ZNF527: variants seen among roughly 807,000 people sequenced by gnomAD.
ZNF527 encodes the protein zinc finger protein 527.
ZNF527 carries 5 observed loss-of-function variants against 13.5 expected under a neutral mutation model. That is an observed-to-expected ratio of 0.37 (90% CI 0.19 to 0.78). The LOEUF is 0.78. ZNF527 is among the 30% of genes least tolerant of loss of function. The probability of loss-of-function intolerance (pLI) is 0.48; values close to 1 mark genes in which losing one functional copy is unlikely to be tolerated. For missense variants in ZNF527, 628 were observed against 726.4 expected, an observed-to-expected ratio of 0.86 and a Z score of 1.56; for synonymous variants, 209 against 243.1, an observed-to-expected ratio of 0.86 and a Z score of 1.30.
In ZNF527 at chr19:37,388,773, G is replaced by A. The variant is rs772547707; in HGVS notation, c.724G>A (p.Gly242Arg). The A allele has an allele frequency of 6.2e-7, 1 of 1,613,000 alleles. No homozygotes were observed. Among genetic ancestry groups the A allele is most frequent in the Non-Finnish European group, 8.5e-7 (1 of 1,179,816 alleles). The change falls in exon 5 of 5, where the codon GGG becomes AGG. Residue 242 changes from glycine (G) to arginine (R), a missense_variant. Physicochemically the swap from Gly to Arg is moderately radical, Grantham distance 125. Transcript: ENST00000436120. ...TAGTAAAGATATAGGAATTCCTCCT[G>A]GGGAGAAACCTTATGAAAGTCATGA... ...YLSKDIGIPP[G>R]EKPYESHDFS...
intron 4 of ZNF527, among the ~76,000 whole-genome samples, chr19:37,386,393 C>T (rs112716015): frequency 0.02 from 3,079 of 152,134 alleles, 103 homozygotes; most frequent in African/African-American, 0.07. Context: ...CCACCAGCCT[C>T]GGCCTCCCAA....
chr19:37,387,891 T>C (rs1236619462), intron 4 of ZNF527, among the ~76,000 whole-genome samples: 1 of 152,112 alleles, frequency 6.6e-6, no homozygotes, highest in East Asian at 1.9e-4. Context: ...GAAAAAGGGG[T>C]GAACATCCAT....
intron 3 of ZNF527, 86 bp downstream of exon 3, chr19:37,379,332 GAC>G: frequency 7.3e-7 from 1 of 1,371,934 alleles, no homozygotes; most frequent in Non-Finnish European, 9.6e-7. Context: ...GACATCTTAA[GAC>G]ATCTTAAAAG....
intron 2 of ZNF527, among the ~76,000 whole-genome samples, chr19:37,375,326 TCTTTCTTTCTTTCCTTTCTTTC>T: frequency 2.7e-5 from 4 of 147,732 alleles, no homozygotes; most frequent in African/African-American, 7.5e-5. Context: ...TTTCTTTCTT[TCTTTCTTTCTTTCCTTTCTTTC>T]CTTTCTTTCT....
intron 4 of ZNF527, among the ~76,000 whole-genome samples, chr19:37,382,285 GTAGATAGATAGATAGATAGA>G (rs10594777): frequency 1.9e-4 from 28 of 149,162 alleles, no homozygotes; most frequent in African/African-American, 5.5e-4. Flanking sequence ...AGATAGATAG[GTAGATAGATAGATAGATAGA>G]TAGATAGATA....
chr19:37,384,428 G>A (rs924317147), intron 4 of ZNF527, among the ~76,000 whole-genome samples: 2 of 152,058 alleles, frequency 1.3e-5, no homozygotes, highest in African/African-American at 2.4e-5. Flanking sequence ...AGCCTCGGAG[G>A]TCAAGGCTGC....
chr19:37,381,095 T>C (rs1040079282), intron 4 of ZNF527, among the ~76,000 whole-genome samples: 2 of 152,328 alleles, frequency 1.3e-5, no homozygotes, highest in African/African-American at 4.8e-5. Context: ...TCAGCATTTA[T>C]TTTATTATGG....
intron 2 of ZNF527, among the ~76,000 whole-genome samples, chr19:37,375,307 TTTCTTTTCTTTCTTTCTTTC>T (rs1159728667): frequency 1.1e-4 from 12 of 108,984 alleles, no homozygotes; most frequent in Non-Finnish European, 1.6e-4. Context: ...TCTTTCTTTC[TTTCTTTTCTTTCTTTCTTTC>T]TTTCTTTCTT....
At position 37,390,519 on chromosome 19, in the gene ZNF527, A is replaced by C. The variant is rs1329572893; in HGVS notation, c.*640A>C. ...AATGAAGTCCTTTGCGGGTATTCCTATGGGCAGTAAGAGAGGTTTTATTCT... is the reference window on the plus strand; with the variant it reads ...AATGAAGTCCTTTGCGGGTATTCCTCTGGGCAGTAAGAGAGGTTTTATTCT... On this transcript the variant is annotated 3_prime_UTR_variant, in exon 5 of 5. Transcript: ENST00000436120. 1 of 152,204 alleles carries C rather than the reference A, an allele frequency of 6.6e-6. No homozygotes were observed. Among genetic ancestry groups the C allele is most frequent in the Non-Finnish European group, 1.5e-5 (1 of 68,040 alleles). The allele number at this position is 152,204 out of a possible 1,614,324, so 9.4% of individuals were successfully genotyped here. A position where few individuals can be genotyped will look rare whatever the true frequency, so the allele number is the denominator to read the frequency against.
In ZNF527 at chr19:37,376,648, T is replaced by A. The variant is rs1045149913; in HGVS notation, c.33+2417T>A. ...AAGATCGCGCCATTGCACTCCAGCC[T>A]GGGGCCTGGGTGACACGAGTGAAAC... On this transcript the variant is annotated intron_variant, in intron 2 of 4. Transcript: ENST00000436120. Among the ~76,000 whole-genome samples, 5 of 117,338 alleles carry A rather than the reference T, an allele frequency of 4.3e-5. No homozygotes were observed. In the South Asian group the frequency reaches 8.2e-4, roughly 19 times the overall value. 77.0% of individuals were successfully genotyped at this position (117,338 alleles called of 152,430 possible). A position where few individuals can be genotyped will look rare whatever the true frequency, so the allele number is the denominator to read the frequency against.
intron 2 of ZNF527, among the ~76,000 whole-genome samples, chr19:37,377,054 A>C (rs575288199): frequency 6.6e-6 from 1 of 152,200 alleles, no homozygotes; most frequent in African/African-American, 2.4e-5. Context: ...ACTTACGGGA[A>C]GAGTTTTGTT....
chr19:37,372,182 T>C (rs2040563020), intron 1 of ZNF527, among the ~76,000 whole-genome samples: 1 of 151,480 alleles, frequency 6.6e-6, no homozygotes, highest in African/African-American at 2.4e-5. Flanking sequence ...GTATTTTTAG[T>C]AGAGACGAGG....
chr19:37,389,035 C>T lies in ZNF527; in HGVS notation c.986C>T (p.Pro329Leu). ...CAAAGAACTCATATTGGGGAGAAAC[C>T]TTATGAATGTAAGGAATGTAACAAA... Reference protein sequence around the residue: ...EHQRTHIGEKPYECKECNKAF... With the variant: ...EHQRTHIGEKLYECKECNKAF... Residue 329 changes from proline to leucine, a missense_variant, in exon 5 of 5, where the codon CCT becomes CTT. Physicochemically the swap from Pro to Leu is moderately conservative, Grantham distance 98. Coordinates refer to ENST00000436120, the MANE Select transcript of ZNF527 (RefSeq NM_032453.2). 6.2e-7 allele frequency: 1 copy of T among 1,614,212 alleles called. No individual in the cohort carries two copies.
Position 37,390,803 on chromosome 19 carries a change from G to T in ZNF527, c.*924G>T, listed in dbSNP as rs934122058. 6.6e-6 allele frequency: 1 copy of T among 152,010 alleles called. No homozygotes were observed. Among genetic ancestry groups the T allele is most frequent in the Non-Finnish European group, 1.5e-5 (1 of 67,984 alleles). 9.4% of individuals were successfully genotyped at this position (152,010 alleles called of 1,614,324 possible). A position where few individuals can be genotyped will look rare whatever the true frequency, so the allele number is the denominator to read the frequency against. On this transcript the variant is annotated 3_prime_UTR_variant, in exon 5 of 5. Coordinates refer to ENST00000436120, the MANE Select transcript of ZNF527 (RefSeq NM_032453.2). ...ATTATATTTTTGCCTCATGGAATTA[G>T]AGTGCTGATTCACACATTCTATGTT...
chr19:37,376,767 A>G (rs1479089951), intron 2 of ZNF527, among the ~76,000 whole-genome samples: 1 of 151,862 alleles, frequency 6.6e-6, no homozygotes, highest in African/African-American at 2.4e-5. Flanking sequence ...ATTTAGACTT[A>G]CAGTAGTGTA....
intron 4 of ZNF527, among the ~76,000 whole-genome samples, chr19:37,383,116 C>T (rs992368845): frequency 1.3e-5 from 2 of 152,312 alleles, no homozygotes; most frequent in African/African-American, 2.4e-5. Flanking sequence ...CTTAATCCAA[C>T]ACAAATTTAT....
In ZNF527 at chr19:37,389,904, C is replaced by T; in HGVS notation, c.*25C>T. On this transcript the variant is annotated 3_prime_UTR_variant, in exon 5 of 5. Transcript: ENST00000436120. ...ATTATAACAAGTATAGGAAAGAAAA[C>T]ATGTGGTTACCACTCAATCCTTATT... The T allele has an allele frequency of 6.5e-7, 1 of 1,536,886 alleles. No individual in the cohort carries two copies. Among genetic ancestry groups the T allele is most frequent in the Non-Finnish European group, 8.7e-7 (1 of 1,150,452 alleles).
chr19:37,384,650 T>C (rs1424058204), intron 4 of ZNF527, among the ~76,000 whole-genome samples: 3 of 152,228 alleles, frequency 2.0e-5, no homozygotes, highest in Non-Finnish European at 4.4e-5. Flanking sequence ...AGAATGGCAT[T>C]TCCTTCCTCT....
In ZNF527 at chr19:37,390,033, A is replaced by AAT; in HGVS notation, c.*154_*155insAT. 2 of 912,206 alleles carry AAT rather than the reference A, an allele frequency of 2.2e-6. No individual in the cohort carries two copies. Among genetic ancestry groups the AAT allele is most frequent in the Non-Finnish European group, 3.0e-6 (2 of 665,760 alleles). The allele number at this position is 912,206 out of a possible 1,614,324, so 56.5% of individuals were successfully genotyped here. ...AGTAGCTCAGTAGTAGACATCTGTTACTTTTTTTTTTTTCAGACAGAGTCT... is the reference window on the plus strand; with the variant it reads ...AGTAGCTCAGTAGTAGACATCTGTTAATCTTTTTTTTTTTTCAGACAGAGTCT... On this transcript the variant is annotated 3_prime_UTR_variant, in exon 5 of 5. Coordinates refer to ENST00000436120, the MANE Select transcript of ZNF527 (RefSeq NM_032453.2).
Sources: allele counts gnomAD v4.1 joint callset (sites outside exome capture counted in the v4.1 genomes callset), GRCh38; gene constraint gnomAD v4.1.1; transcripts MANE v1.5; gene names NCBI Gene and HGNC (gene_info 2026-07-23, HGNC 2026-07-21).